PPFIBP1: variants seen among roughly 807,000 people sequenced by gnomAD.
PPFIBP1 encodes the protein liprin-beta-1.
PPFIBP1 carries 112 observed loss-of-function variants against 137.8 expected under a neutral mutation model. That is an observed-to-expected ratio of 0.81 (90% CI 0.70 to 0.95). The LOEUF is 0.95. PPFIBP1 is among the 40% of genes least tolerant of loss of function. PPFIBP1 has a pLI of 0.00. For missense variants in PPFIBP1, 1,083 were observed against 1,196.6 expected (o/e 0.91, Z 1.40); for synonymous variants, 378 against 417.3 (o/e 0.91, Z 1.15).
Position 27,631,713 on chromosome 12 carries a change from AGAG to A in PPFIBP1, c.-35-1648_-35-1646del, listed in dbSNP as rs370506833. Among the ~76,000 whole-genome samples, 3 of 152,194 alleles carry A rather than the reference AGAG, an allele frequency of 2.0e-5. No homozygotes were observed. The East Asian group carries it at 5.8e-4, about 29-fold the overall frequency. ...ATTTGAAAGGCTCATTAAATAGAAC[AGAG>A]AAGAACTCGGTAACTATTGTACCTA... On this transcript the variant is annotated intron_variant, in intron 2 of 29. Coordinates refer to ENST00000228425, the MANE Select transcript of PPFIBP1 (RefSeq NM_003622.4).
chr12:27,599,476 A>T (rs1311460153), intron 2 of PPFIBP1: 2 of 455,966 alleles, frequency 4.4e-6, no homozygotes, highest in South Asian at 1.5e-5. Flanking sequence ...GCCTACATAA[A>T]TGCGTGAGCC....
intron 1 of PPFIBP1, among the ~76,000 whole-genome samples, chr12:27,564,152 T>A (rs1297946766): frequency 6.6e-6 from 1 of 152,224 alleles, no homozygotes; most frequent in Non-Finnish European, 1.5e-5. Flanking sequence ...ATTACAGGCG[T>A]GAGCCACCGT....
At chr12:27,660,006 T>G (rs1435035405) in intron 10 of PPFIBP1, among the ~76,000 whole-genome samples, 1 of 152,160 alleles carries the variant, frequency 6.6e-6, no homozygotes, top group East Asian at 1.9e-4. Flanking sequence ...TAGCTGATTT[T>G]TTTTTTCCTG....
At chr12:27,543,688 A>T (rs1342657554) in intron 1 of PPFIBP1, among the ~76,000 whole-genome samples, 1 of 152,200 alleles carries the variant, frequency 6.6e-6, no homozygotes, top group African/African-American at 2.4e-5. Context: ...CATGATTTCT[A>T]AGTTTCCTGT....
chr12:27,654,722 G>C lies in PPFIBP1; in HGVS notation c.604G>C (p.Gly202Arg). 1 of 1,609,992 alleles carries C rather than the reference G, an allele frequency of 6.2e-7. No homozygotes were observed. Among genetic ancestry groups the C allele is most frequent in the Non-Finnish European group, 8.5e-7 (1 of 1,179,064 alleles). ...DYEDKFRDTE[G>R]LIQEINDLRL... ...TACTTTCTTGTTTCTTCTTGGACAG[G>C]GGCTGATTCAGGAGATCAATGATTT... The change falls in exon 8 of 30, where the codon GGG becomes CGG. Residue 202 changes from glycine to arginine, a missense_variant and splice_region_variant. Transcript: ENST00000228425.
At chr12:27,665,876 A>C (rs1408693877) in intron 12 of PPFIBP1, among the ~76,000 whole-genome samples, 1 of 152,228 alleles carries the variant, frequency 6.6e-6, no homozygotes, top group African/African-American at 2.4e-5. Flanking sequence ...AACCTCTAAT[A>C]ATCAGTGTTG....
intron 21 of PPFIBP1, among the ~76,000 whole-genome samples, chr12:27,681,203 G>A (rs917482148): frequency 1.3e-5 from 2 of 152,190 alleles, no homozygotes; most frequent in Admixed American, 6.5e-5. Flanking sequence ...GTTTCTTTCA[G>A]TCCAACTGAG....
At position 27,647,151 on chromosome 12, in the gene PPFIBP1, G is replaced by T. The variant is rs1419274181; in HGVS notation, c.358-578G>T. Among the ~76,000 whole-genome samples, 12 of 152,232 alleles carry T rather than the reference G, an allele frequency of 7.9e-5. No individual in the cohort carries two copies. The East Asian group carries it at 2.3e-3, about 29-fold the overall frequency. Reference sequence around the variant, plus strand: ...TGAGTAACTGGGATTACAGGCACATGCCCCCACAGCCAGCTAATTTTGTAT... The same window carrying T: ...TGAGTAACTGGGATTACAGGCACATTCCCCCACAGCCAGCTAATTTTGTAT... On this transcript the variant is annotated intron_variant, in intron 5 of 29. Coordinates refer to ENST00000228425, the MANE Select transcript of PPFIBP1 (RefSeq NM_003622.4).
intron 1 of PPFIBP1, among the ~76,000 whole-genome samples, chr12:27,550,991 A>ATATTT (rs375148048): frequency 8.8e-4 from 120 of 136,710 alleles, no homozygotes; most frequent in African/African-American, 3.1e-3. Context: ...ATATATATAT[A>ATATTT]TTTTTTTTTT....
intron 1 of PPFIBP1, among the ~76,000 whole-genome samples, chr12:27,567,365 A>T (rs948354114): frequency 6.6e-6 from 1 of 152,226 alleles, no homozygotes; most frequent in Non-Finnish European, 1.5e-5. Flanking sequence ...TTATAAAATA[A>T]TTGGGAATGT....
At position 27,693,472 on chromosome 12, in the gene PPFIBP1, T is replaced by C. The variant is rs1042903188; in HGVS notation, c.*590T>C. On this transcript the variant is annotated 3_prime_UTR_variant, in exon 30 of 30. Transcript: ENST00000228425. ...TGAAAAGATCACGTTTTCAAAACAA[T>C]CTGGTGATCAGAATGTTCATATACC... 1 of 152,230 alleles carries C rather than the reference T, an allele frequency of 6.6e-6. No individual in the cohort carries two copies. The highest frequency in any genetic ancestry group is 3.2e-3 in the Middle Eastern group (1 of 316). The allele number at this position is 152,230 out of a possible 1,614,324, so 9.4% of individuals were successfully genotyped here. A position where few individuals can be genotyped will look rare whatever the true frequency, so the allele number is the denominator to read the frequency against.
At chr12:27,579,867 T>G (rs780344688) in intron 2 of PPFIBP1, among the ~76,000 whole-genome samples, 1 of 152,208 alleles carries the variant, frequency 6.6e-6, no homozygotes, top group South Asian at 2.1e-4. Flanking sequence ...CAGATGAAGA[T>G]GTTTTTGTAG....
At chr12:27,650,353 T>A (rs894951735) in intron 7 of PPFIBP1, among the ~76,000 whole-genome samples, 1 of 152,252 alleles carries the variant, frequency 6.6e-6, no homozygotes, top group Non-Finnish European at 1.5e-5. Context: ...AATTTTTATT[T>A]TTAGACTTTT....
Position 27,664,400 on chromosome 12 carries a change from G to T in PPFIBP1, c.945G>T (p.Arg315Ser), listed in dbSNP as rs576428018. Reference sequence around the variant, plus strand: ...AAGATCTTCGACAGTGCCTGAACAGGTACAAGAAAATGCAAGACACGGTGG... The same window carrying T: ...AAGATCTTCGACAGTGCCTGAACAGTTACAAGAAAATGCAAGACACGGTGG... ...KIEDLRQCLNRYKKMQDTVVL... is the reference protein window; with the variant it reads ...KIEDLRQCLNSYKKMQDTVVL... Residue 315 changes from arginine (R) to serine (S), a missense_variant, in exon 12 of 30, where the codon AGG becomes AGT. By Grantham distance (110) the Arg-to-Ser change is moderately radical (BLOSUM62 -1). Coordinates refer to ENST00000228425, the MANE Select transcript of PPFIBP1 (RefSeq NM_003622.4). The T allele has an allele frequency of 6.2e-7, 1 of 1,612,802 alleles. No homozygotes were observed. Among genetic ancestry groups the T allele is most frequent in the African/African-American group, 1.3e-5 (1 of 74,824 alleles).
At chr12:27,536,270 A>G (rs1016048653) in intron 1 of PPFIBP1, among the ~76,000 whole-genome samples, 2 of 152,194 alleles carry the variant, frequency 1.3e-5, no homozygotes, top group African/African-American at 4.8e-5. Context: ...TGTACATATT[A>G]CGTCGTATGT....
chr12:27,656,724 G>A lies in PPFIBP1; in HGVS notation c.805G>A (p.Asp269Asn), dbSNP rs1384330716. 6.3e-7 allele frequency: 1 copy of A among 1,589,806 alleles called. No individual in the cohort carries two copies. The highest frequency in any genetic ancestry group is 1.3e-5 in the African/African-American group (1 of 74,350). Residue 269 changes from aspartate to asparagine, a missense_variant, in exon 9 of 30, where the codon GAT becomes AAT. Physicochemically the swap from Asp to Asn is conservative, Grantham distance 23 (BLOSUM62 1). Coordinates refer to ENST00000228425, the MANE Select transcript of PPFIBP1 (RefSeq NM_003622.4). ...KMKGEGVEIVDRDENFKKKLK... is the reference protein window; with the variant it reads ...KMKGEGVEIVNRDENFKKKLK... ...GAAAGGAGAAGGGGTTGAAATTGTT[G>A]ATAGAGGTAAGAAGATATATTTCAC...
chr12:27,638,724 C>T (rs1258673194), intron 4 of PPFIBP1, among the ~76,000 whole-genome samples: 1 of 152,174 alleles, frequency 6.6e-6, no homozygotes, highest in African/African-American at 2.4e-5. Context: ...AGGTTACAAA[C>T]CACCCATACA....
At chr12:27,638,121 T>A (rs1253194036) in intron 4 of PPFIBP1, among the ~76,000 whole-genome samples, 5 of 152,134 alleles carry the variant, frequency 3.3e-5, no homozygotes, top group Non-Finnish European at 5.9e-5. Context: ...TGAAAAGAGT[T>A]AATTAGATGG....
In PPFIBP1 at chr12:27,692,831, TG is replaced by T. The variant is rs1284732963; in HGVS notation, c.2968del (p.Ala990LeufsTer28). On this transcript the variant is annotated frameshift_variant, in exon 30 of 30. Transcript: ENST00000228425. LOFTEE classifies it high-confidence loss of function. ...LKEDDMFKDF[A>X]ARSPSASITD... ...AAGAAGATGACATGTTTAAAGATTTTGCTGCCCGTTCCCCCAGTGCCAGCAT... is the reference window on the plus strand; with the variant it reads ...AAGAAGATGACATGTTTAAAGATTTTCTGCCCGTTCCCCCAGTGCCAGCAT... 1.2e-6 allele frequency: 2 copies of T among 1,614,098 alleles called. No homozygotes were observed. The highest frequency in any genetic ancestry group is 1.7e-6 in the Non-Finnish European group (2 of 1,180,034).
Sources: gnomAD v4.1 joint callset for allele counts (sites outside exome capture counted in the v4.1 genomes callset) on GRCh38, gnomAD v4.1.1 for gene constraint, MANE v1.5 for transcripts, NCBI Gene and HGNC (gene_info 2026-07-23, HGNC 2026-07-21) for gene names.